Variants in SMC5 observed in about 807,000 individuals in gnomAD.
The protein encoded by SMC5 is structural maintenance of chromosomes protein 5.
A neutral mutation model predicts 148.3 loss-of-function variants in SMC5; 88 were observed. The observed-to-expected ratio is 0.59, with a 90% CI of 0.50 to 0.71. The LOEUF (loss-of-function observed/expected upper bound fraction) is 0.71. Among genes scored for constraint, SMC5 ranks in the 30% least tolerant of loss-of-function variants. The pLI, the probability that SMC5 is intolerant of heterozygous loss-of-function variation, is 0.00. For missense variants in SMC5, 1,142 were observed against 1,298.9 expected (o/e 0.88, Z 1.86); for synonymous variants, 421 against 432.8 (o/e 0.97, Z 0.34).
intron 1 of SMC5, among the ~76,000 whole-genome samples, chr9:70,259,848 T>A (rs905219608): frequency 1.3e-5 from 2 of 152,130 alleles, no homozygotes; most frequent in African/African-American, 2.4e-5. Context: ...TTCAGACAAC[T>A]AGTTACCGCT....
chr9:70,327,231 C>T (rs544445107), intron 17 of SMC5, among the ~76,000 whole-genome samples: 286 of 152,222 alleles, frequency 1.9e-3, no homozygotes, highest in African/African-American at 6.6e-3. Flanking sequence ...TAAGATTAGC[C>T]ATGATCATCT....
intron 17 of SMC5, among the ~76,000 whole-genome samples, chr9:70,342,353 A>ACATTGTGCAC (rs1402137477): frequency 6.6e-6 from 1 of 151,926 alleles, no homozygotes; most frequent in African/African-American, 2.4e-5. Context: ...ACTAACCTGC[A>ACATTGTGCAC]CATTGTGCAC....
chr9:70,298,135 G>C lies in SMC5; in HGVS notation c.1223G>C (p.Arg408Thr). ...ATTGATGCCATTACAAATGATCTGAGACGGATTCAGGATGAAAAGGCATTA... is the reference window on the plus strand; with the variant it reads ...ATTGATGCCATTACAAATGATCTGACACGGATTCAGGATGAAAAGGCATTA... ...PQIDAITNDL[R>T]RIQDEKALCE... Residue 408 changes from arginine to threonine, a missense_variant, in exon 9 of 25, where the codon AGA (arginine) becomes ACA (threonine). Around this residue, in one of 5 missense-constraint regions of SMC5, gnomAD observed 743 missense variants for 835.7 expected, o/e 0.89. Transcript: ENST00000361138. 2 of 1,614,026 alleles carry C rather than the reference G, an allele frequency of 1.2e-6. No homozygotes were observed. Among genetic ancestry groups the C allele is most frequent in the Non-Finnish European group, 1.7e-6 (2 of 1,179,944 alleles).
Position 70,277,429 on chromosome 9 carries a change from C to A in SMC5, c.500C>A (p.Ala167Asp), listed in dbSNP as rs1245732791. Residue 167 changes from alanine to aspartate, a missense_variant, in exon 4 of 25, where the codon GCC (alanine) becomes GAC (aspartate). Ala to Asp is a moderately radical substitution (Grantham distance 126). Around this residue, in one of 5 missense-constraint regions of SMC5, gnomAD observed 297 missense variants for 302.6 expected, o/e 0.98. Transcript: ENST00000361138. ...TQKIVEEKVA[A>D]LNIQVGNLCQ... Reference sequence around the variant, plus strand: ...AAAATAGTGGAAGAGAAAGTTGCAGCCTTAAATATTCAAGTGGGGAATCTT... The same window carrying A: ...AAAATAGTGGAAGAGAAAGTTGCAGACTTAAATATTCAAGTGGGGAATCTT... 1.9e-6 allele frequency: 3 copies of A among 1,599,450 alleles called. No individual in the cohort carries two copies. Among genetic ancestry groups the A allele is most frequent in the African/African-American group, 2.7e-5 (2 of 73,854 alleles).
At position 70,296,904 on chromosome 9, in the gene SMC5, A is replaced by T. The variant is rs999483322; in HGVS notation, c.1054-1062A>T. On this transcript the variant is annotated intron_variant, in intron 8 of 24. Coordinates refer to ENST00000361138, the MANE Select transcript of SMC5 (RefSeq NM_015110.4). ...TTACATAGCTGGTTATAAAAATGTA[A>T]TTTACCCTGAATATAAGTGAAGGAA... 4.6e-5 allele frequency among the ~76,000 whole-genome samples: 7 copies of T among 152,306 alleles called. No homozygotes were observed. The Middle Eastern group carries it at 0.01, about 222-fold the overall frequency.
rs2036838641 is a variant in SMC5 at position 70,353,025 on chromosome 9, G to GT, written c.*694_*695insT. 1 of 151,780 alleles carries GT rather than the reference G, an allele frequency of 6.6e-6. No individual in the cohort carries two copies. Among genetic ancestry groups the GT allele is most frequent in the Admixed American group, 6.6e-5 (1 of 15,206 alleles). The allele number at this position is 151,780 out of a possible 1,614,324, so 9.4% of individuals were successfully genotyped here. A position where few individuals can be genotyped will look rare whatever the true frequency, so the allele number is the denominator to read the frequency against. On this transcript the variant is annotated 3_prime_UTR_variant, in exon 25 of 25. Coordinates refer to ENST00000361138, the MANE Select transcript of SMC5 (RefSeq NM_015110.4). ...TGATGCAAAATACAACCAAAAGATT[G>GT]ACTGAGAATAAAATTAGGTGACAAG...
chr9:70,286,175 CCCTCT>C lies in SMC5; in HGVS notation c.982-22_982-18del. 7.1e-7 allele frequency: 1 copy of C among 1,402,822 alleles called. No homozygotes were observed. The allele number at this position is 1,402,822 out of a possible 1,614,324, so 86.9% of individuals were successfully genotyped here. A position where few individuals can be genotyped will look rare whatever the true frequency, so the allele number is the denominator to read the frequency against. On this transcript the variant is annotated intron_variant, in intron 7 of 24. Transcript: ENST00000361138. ...CATGAGTTTTTAACTAGCTGTCCCCCCCTCTCCCCGGTTTAATTTTACAGGCAACA... is the reference window on the plus strand; with the variant it reads ...CATGAGTTTTTAACTAGCTGTCCCCCCCCCGGTTTAATTTTACAGGCAACA...
At chr9:70,335,512 T>C (rs2118749173) in intron 17 of SMC5, among the ~76,000 whole-genome samples, 1 of 151,652 alleles carries the variant, frequency 6.6e-6, no homozygotes, top group Non-Finnish European at 1.5e-5. Flanking sequence ...ACAACAAAAA[T>C]GGAGGTTAAT....
intron 1 of SMC5, among the ~76,000 whole-genome samples, chr9:70,261,827 G>A (rs1381118027): frequency 1.3e-5 from 2 of 152,162 alleles, no homozygotes; most frequent in Admixed American, 6.5e-5. Context: ...AACAGTGGGA[G>A]ACAATTATCA....
intron 8 of SMC5, among the ~76,000 whole-genome samples, chr9:70,289,278 TC>T (rs1196558205): frequency 3.3e-5 from 5 of 152,158 alleles, no homozygotes; most frequent in African/African-American, 1.2e-4. Flanking sequence ...CCTCAAGTGA[TC>T]CACCTGCCTT....
chr9:70,315,308 T>TAAA (rs35901017), intron 12 of SMC5, 138 bp from the exon 13 acceptor site: 22 of 466,338 alleles, frequency 4.7e-5, no homozygotes, highest in South Asian at 1.9e-4. Context: ...TTTTAAAATA[T>TAAA]AAAAGAAAAA....
At chr9:70,305,803 A>G (rs2035480017) in intron 11 of SMC5, among the ~76,000 whole-genome samples, 1 of 152,116 alleles carries the variant, frequency 6.6e-6, no homozygotes, top group Non-Finnish European at 1.5e-5. Context: ...GGCTAGAGAA[A>G]GGCCACTAAG....
At chr9:70,281,926 T>C (rs1449809186) in intron 6 of SMC5, among the ~76,000 whole-genome samples, 1 of 152,076 alleles carries the variant, frequency 6.6e-6, no homozygotes, top group Non-Finnish European at 1.5e-5. Context: ...TCTTATATAA[T>C]GTTGCCTTAG....
Position 70,289,844 on chromosome 9 carries a change from T to C in SMC5, c.1053+3573T>C, listed in dbSNP as rs998135668. Among the ~76,000 whole-genome samples the C allele has an allele frequency of 5.3e-5, 8 of 151,568 alleles. No individual in the cohort carries two copies. In the South Asian group the frequency reaches 1.0e-3, roughly 20 times the overall value. Reference sequence around the variant, plus strand: ...CTCTTCCTGTAATCCCATGTCAGTATCATCAGAAATTTGACTTGTGGTTAT... The same window carrying C: ...CTCTTCCTGTAATCCCATGTCAGTACCATCAGAAATTTGACTTGTGGTTAT... On this transcript the variant is annotated intron_variant, in intron 8 of 24. Transcript: ENST00000361138.
At chr9:70,290,754 G>A (rs2035035334) in intron 8 of SMC5, among the ~76,000 whole-genome samples, 1 of 152,074 alleles carries the variant, frequency 6.6e-6, no homozygotes, top group African/African-American at 2.4e-5. Context: ...AAGTACGTGT[G>A]CTCACTGCCA....
chr9:70,292,588 G>A (rs1481271374), intron 8 of SMC5, among the ~76,000 whole-genome samples: 2 of 152,112 alleles, frequency 1.3e-5, no homozygotes, highest in Non-Finnish European at 2.9e-5. Context: ...TTGATCTTAG[G>A]AGGAAAGCAT....
At chr9:70,323,021 C>T (rs1012174088) in intron 15 of SMC5, among the ~76,000 whole-genome samples, 3 of 152,280 alleles carry the variant, frequency 2.0e-5, no homozygotes, top group Non-Finnish European at 4.4e-5. Flanking sequence ...CTACAGCACC[C>T]GCTGAATTTG....
intron 4 of SMC5, 141 bp from the exon 5 acceptor site, chr9:70,278,350 A>G: frequency 1.3e-6 from 1 of 745,038 alleles, no homozygotes; most frequent in Non-Finnish European, 2.1e-6. Flanking sequence ...ATTATTCTAA[A>G]GAATAATGCA....
Position 70,305,304 on chromosome 9 carries a change from G to A in SMC5, c.1522G>A (p.Asp508Asn), listed in dbSNP as rs768868913. The change falls in exon 11 of 25, where the codon GAC (aspartate) becomes AAC (asparagine). Residue 508 changes from aspartate (D) to asparagine (N), a missense_variant. By Grantham distance (23) the Asp-to-Asn change is conservative. Coordinates refer to ENST00000361138, the MANE Select transcript of SMC5 (RefSeq NM_015110.4). ...TATTGAAAATCATATTCCATCAAAT[G>A]ACTTAAGAGCCTTTGTATTTGAAAG... Reference protein sequence around the residue: ...KYIENHIPSNDLRAFVFESQE... With the variant: ...KYIENHIPSNNLRAFVFESQE... The A allele has an allele frequency of 6.2e-7, 1 of 1,605,196 alleles. No homozygotes were observed. The highest frequency in any genetic ancestry group is 8.5e-7 in the Non-Finnish European group (1 of 1,173,980).
Sources: allele counts gnomAD v4.1 joint callset (sites outside exome capture counted in the v4.1 genomes callset), GRCh38; gene constraint gnomAD v4.1.1; regional missense constraint gnomAD v4.1.1; transcripts MANE v1.5; gene names NCBI Gene and HGNC (gene_info 2026-07-23, HGNC 2026-07-21).